Variants in RFX8 observed in about 807,000 individuals in gnomAD.
RFX8 encodes DNA-binding protein RFX8.
In RFX8, 46 loss-of-function variants were observed where a neutral mutation model predicts 54.6. The observed-to-expected ratio is 0.84, with a 90% confidence interval of 0.67 to 1.08. RFX8 has a LOEUF of 1.08. Ranked by LOEUF, RFX8 falls within the 50% of genes least tolerant of loss-of-function variation. The probability of loss-of-function intolerance (pLI) is 0.00; values close to 1 mark genes in which losing one functional copy is unlikely to be tolerated. For missense variants in RFX8, 536 were observed against 562.3 expected, an observed-to-expected ratio of 0.95 and a Z score of 0.47; for synonymous variants, 192 against 209.5, an observed-to-expected ratio of 0.92 and a Z score of 0.72.
chr2:101,428,364 T>C (rs1053217498), intron 2 of RFX8, among the ~76,000 whole-genome samples: 1 of 152,258 alleles, frequency 6.6e-6, no homozygotes, highest in Admixed American at 6.5e-5. Context: ...GCTTGCTCCC[T>C]CTCTTTCCAC....
chr2:101,454,318 T>C (rs1014555766), intron 2 of RFX8, among the ~76,000 whole-genome samples: 4 of 152,212 alleles, frequency 2.6e-5, no homozygotes, highest in Non-Finnish European at 5.9e-5. Flanking sequence ...TGGGTTGGTT[T>C]CAAGTCTTTG....
chr2:101,471,459 TG>T (rs1301113998), intron 1 of RFX8, among the ~76,000 whole-genome samples: 1 of 152,202 alleles, frequency 6.6e-6, no homozygotes, highest in East Asian at 1.9e-4. Context: ...CAAATAAATT[TG>T]TATTTTTAAA....
At chr2:101,473,336 G>T (rs960630930) in intron 1 of RFX8, among the ~76,000 whole-genome samples, 1 of 152,208 alleles carries the variant, frequency 6.6e-6, no homozygotes, top group East Asian at 1.9e-4. Flanking sequence ...CTGGGTCGGT[G>T]AGTGTAGCAG....
intron 11 of RFX8, among the ~76,000 whole-genome samples, chr2:101,398,647 G>T (rs1354469986): frequency 6.6e-6 from 1 of 152,192 alleles, no homozygotes; most frequent in African/African-American, 2.4e-5. Flanking sequence ...GTTAGCTGAA[G>T]CTCTCCTCAG....
chr2:101,449,558 T>C lies in RFX8; in HGVS notation c.72+17219A>G, dbSNP rs117141883. On this transcript the variant is annotated intron_variant, in intron 2 of 11. Transcript: ENST00000428343. ...TAGGTTCTATCTGTTGGTATCAAGA[T>C]TGAACTAAGAAAATCAAGGGGCAGA... is the stretch of plus-strand genomic sequence containing the variant. Among the ~76,000 whole-genome samples the C allele has an allele frequency of 3.5e-4, 54 of 152,218 alleles. 1 individual carries two copies. The highest frequency in any genetic ancestry group is 2.1e-4 in the South Asian group (1 of 4,820).
At chr2:101,469,046 ATATATATACGTATATATAT>A (rs1689768195) in intron 1 of RFX8, among the ~76,000 whole-genome samples, 1 of 51,472 alleles carries the variant, frequency 1.9e-5, no homozygotes, top group African/African-American at 6.8e-5. Flanking sequence ...ATATATGTAT[ATATATATACGTATATATAT>A]GTATATATAT....
At chr2:101,414,991 G>A in intron 6 of RFX8, 79 bp from the exon 7 acceptor site, 2 of 1,142,496 alleles carry the variant, frequency 1.8e-6, no homozygotes, top group Non-Finnish European at 2.5e-6. Context: ...GAAGGTGCAT[G>A]TTTGGGGTAG....
intron 2 of RFX8, among the ~76,000 whole-genome samples, chr2:101,447,425 G>T (rs1208317583): frequency 6.6e-6 from 1 of 152,216 alleles, no homozygotes; most frequent in Admixed American, 6.5e-5. Context: ...TCTGGAGAAT[G>T]AGAAGTCCAA....
intron 2 of RFX8, among the ~76,000 whole-genome samples, chr2:101,428,557 G>A (rs539872748): frequency 3.3e-5 from 5 of 152,218 alleles, no homozygotes; most frequent in Non-Finnish European, 5.9e-5. Context: ...CTATCATATC[G>A]TTTTGGCCCA....
chr2:101,410,778 T>A, intron 8 of RFX8, 65 bp from the exon 9 acceptor site: 2 of 821,358 alleles, frequency 2.4e-6, no homozygotes, highest in Non-Finnish European at 4.1e-6. Flanking sequence ...CTCTTAGGTA[T>A]TTGTGTACTG....
chr2:101,397,683 T>C lies in RFX8; in HGVS notation c.1287A>G (p.Ala429=), dbSNP rs1487157298. The change falls in exon 12 of 12, where the codon GCA becomes GCG. Residue 429 remains alanine (A), a synonymous_variant. Transcript: ENST00000428343. ...GTCCCATAGGAAGGCTGAGTTTAAC[T>C]GCGCTTTCAGTGGTTTCATCTTCCA... ...VLLEDETTES[A]VKLSLPMGQE... The C allele has an allele frequency of 6.4e-7, 1 of 1,551,216 alleles. No homozygotes were observed. The highest frequency in any genetic ancestry group is 1.4e-5 in the African/African-American group (1 of 73,144).
At chr2:101,430,323 C>T (rs1687416340) in intron 2 of RFX8, among the ~76,000 whole-genome samples, 1 of 152,188 alleles carries the variant, frequency 6.6e-6, no homozygotes, top group Non-Finnish European at 1.5e-5. Context: ...GACTGAGTTG[C>T]CTTCTCCTCA....
Position 101,474,358 on chromosome 2 carries a change from G to A in RFX8, c.-53+278C>T, listed in dbSNP as rs1690188037. The A allele has an allele frequency of 7.2e-6, 3 of 416,268 alleles. No individual in the cohort carries two copies. The East Asian group carries it at 1.1e-4, about 16-fold the overall frequency. 25.8% of individuals were successfully genotyped at this position (416,268 alleles called of 1,614,324 possible). A position where few individuals can be genotyped will look rare whatever the true frequency, so the allele number is the denominator to read the frequency against. On this transcript the variant is annotated intron_variant, in intron 1 of 11. Coordinates refer to ENST00000428343, the MANE Select transcript of RFX8 (RefSeq NM_001145664.2). The stretch of plus-strand genomic sequence containing the variant: ...GCTGGGTTGCACCGGTCCTGCTACC[G>A]CCGCTCCTCGGTGTTTACTTTAGAA...
At chr2:101,429,913 G>A (rs182094315) in intron 2 of RFX8, among the ~76,000 whole-genome samples, 1 of 152,254 alleles carries the variant, frequency 6.6e-6, no homozygotes. Flanking sequence ...CAAATAGGAT[G>A]GTTCTACGTC....
chr2:101,472,141 C>G (rs1690035210), intron 1 of RFX8, among the ~76,000 whole-genome samples: 1 of 152,188 alleles, frequency 6.6e-6, no homozygotes, highest in African/African-American at 2.4e-5. Flanking sequence ...ACTCTTGTCG[C>G]CCACGCTGAA....
intron 2 of RFX8, among the ~76,000 whole-genome samples, chr2:101,423,154 A>T (rs555864233): frequency 4.8e-4 from 73 of 151,428 alleles, no homozygotes; most frequent in African/African-American, 1.7e-3. Context: ...GCTATTTGGG[A>T]GGCTAAAGTG....
At chr2:101,452,890 A>G (rs1464926252) in intron 2 of RFX8, among the ~76,000 whole-genome samples, 1 of 151,560 alleles carries the variant, frequency 6.6e-6, no homozygotes, top group East Asian at 2.0e-4. Context: ...GCGAATCATG[A>G]GGTCAAGAGA....
chr2:101,412,917 T>G lies in RFX8; in HGVS notation c.716A>C (p.Lys239Thr). 1 of 1,548,028 alleles carries G rather than the reference T, an allele frequency of 6.5e-7. No homozygotes were observed. Among genetic ancestry groups the G allele is most frequent in the South Asian group, 1.2e-5 (1 of 83,446 alleles). Residue 239 changes from lysine to threonine, a missense_variant and splice_region_variant, in exon 8 of 12, where the codon AAA (lysine) becomes ACA (threonine). Transcript: ENST00000428343. ...ADELENNPEM[K>T]CLRNLISLLG... ...GCAAGCTGCAGAAGGAAGATTACAT[T>G]TCATCTCTGGGTTGTTCTCCAGTTC...
At chr2:101,436,215 A>G (rs1201611100) in intron 2 of RFX8, among the ~76,000 whole-genome samples, 1 of 152,134 alleles carries the variant, frequency 6.6e-6, no homozygotes, top group Non-Finnish European at 1.5e-5. Flanking sequence ...TTATCTTGAG[A>G]CTACATTTAT....
Sources: allele counts gnomAD v4.1 joint callset (sites outside exome capture counted in the v4.1 genomes callset), GRCh38; gene constraint gnomAD v4.1.1; transcripts MANE v1.5; gene names NCBI Gene and HGNC (gene_info 2026-07-23, HGNC 2026-07-21).